Variants in PBX3 observed in about 807,000 individuals in gnomAD.
PBX3 encodes pre-B-cell leukemia transcription factor 3.
A neutral mutation model predicts 48.5 loss-of-function variants in PBX3; 14 were observed. The ratio of observed to expected loss-of-function variants is 0.29; its 90% CI spans 0.19 to 0.45. The LOEUF is 0.45. Among genes scored for constraint, PBX3 ranks in the 20% least tolerant of loss-of-function variants. PBX3 has a pLI of 1.00. For synonymous variants in PBX3, 210 were observed against 200.3 expected (o/e 1.05, Z -0.41); for missense variants, 386 against 546.7 (o/e 0.71, Z 2.93).
intron 2 of PBX3, among the ~76,000 whole-genome samples, chr9:125,870,316 G>T (rs987208815): frequency 2.6e-5 from 4 of 151,998 alleles, no homozygotes; most frequent in Non-Finnish European, 5.9e-5. Context: ...TGATCCACCC[G>T]CCTTGGCCTC....
At chr9:125,925,003 T>C (rs1358063225) in intron 3 of PBX3, among the ~76,000 whole-genome samples, 1 of 152,212 alleles carries the variant, frequency 6.6e-6, no homozygotes, top group Non-Finnish European at 1.5e-5. Context: ...ATAAAAGTGC[T>C]CTTTCTCAAG....
At chr9:125,908,424 G>A (rs1006672518) in intron 2 of PBX3, among the ~76,000 whole-genome samples, 8 of 152,066 alleles carry the variant, frequency 5.3e-5, no homozygotes, top group Admixed American at 3.3e-4. Flanking sequence ...GCAGAATGTG[G>A]GAATGGGGGA....
chr9:125,835,668 A>G (rs1039468084), intron 2 of PBX3, among the ~76,000 whole-genome samples: 43 of 152,246 alleles, frequency 2.8e-4, no homozygotes, highest in African/African-American at 7.7e-4. Flanking sequence ...ATATAATAGC[A>G]TCTCATCCCA....
At chr9:125,753,620 C>T (rs965512165) in intron 2 of PBX3, among the ~76,000 whole-genome samples, 2 of 151,794 alleles carry the variant, frequency 1.3e-5, no homozygotes, top group African/African-American at 4.8e-5. Context: ...TCTTTTGTTC[C>T]TTAGTTTTAA....
At chr9:125,895,100 T>C (rs1422661549) in intron 2 of PBX3, among the ~76,000 whole-genome samples, 1 of 152,088 alleles carries the variant, frequency 6.6e-6, no homozygotes, top group Non-Finnish European at 1.5e-5. Context: ...TTTGATTCTC[T>C]AAGATTTAAT....
At position 125,795,952 on chromosome 9, in the gene PBX3, T is replaced by G. The variant is rs145830733; in HGVS notation, c.274+47329T>G. Among the ~76,000 whole-genome samples, 388 of 152,272 alleles carry G rather than the reference T, an allele frequency of 2.5e-3. 1 individual carries two copies. The highest frequency in any genetic ancestry group is 9.0e-3 in the African/African-American group (372 of 41,560). ...TTATATTGTCACTATTTTGAGCCAT[T>G]TTTGGTGTAAGAGACTAAGAGTCCT... On this transcript the variant is annotated intron_variant, in intron 2 of 8. Transcript: ENST00000373489.
At chr9:125,867,477 TAAA>T (rs922677814) in intron 2 of PBX3, among the ~76,000 whole-genome samples, 6 of 151,408 alleles carry the variant, frequency 4.0e-5, no homozygotes, top group Admixed American at 1.3e-4. Flanking sequence ...CCATCTGTAC[TAAA>T]AATACAAAAA....
intron 2 of PBX3, among the ~76,000 whole-genome samples, chr9:125,769,833 G>T (rs1301804589): frequency 1.3e-5 from 2 of 152,312 alleles, no homozygotes; most frequent in East Asian, 3.9e-4. Context: ...AGGACGAGGA[G>T]ATTTCTAAGG....
At chr9:125,951,794 G>C (rs988426333) in intron 5 of PBX3, among the ~76,000 whole-genome samples, 3 of 152,142 alleles carry the variant, frequency 2.0e-5, no homozygotes, top group African/African-American at 7.2e-5. Flanking sequence ...AGGTCCGTTT[G>C]GCTCTCAAAC....
intron 2 of PBX3, among the ~76,000 whole-genome samples, chr9:125,792,040 ACACACGCACG>A (rs1254103337): frequency 4.1e-5 from 5 of 121,900 alleles, no homozygotes; most frequent in African/African-American, 1.1e-4. Flanking sequence ...TACTACACAC[ACACACGCACG>A]CACGCACGCA....
intron 2 of PBX3, among the ~76,000 whole-genome samples, chr9:125,773,276 T>C (rs942113368): frequency 2.0e-5 from 3 of 152,126 alleles, no homozygotes; most frequent in African/African-American, 7.2e-5. Context: ...ATTAGGCGAT[T>C]GGTTGGAGAA....
At chr9:125,795,176 A>G (rs1448044252) in intron 2 of PBX3, among the ~76,000 whole-genome samples, 1 of 152,234 alleles carries the variant, frequency 6.6e-6, no homozygotes, top group African/African-American at 2.4e-5. Flanking sequence ...TTATTCATTA[A>G]TGGAAACCCT....
intron 2 of PBX3, among the ~76,000 whole-genome samples, chr9:125,768,701 T>C (rs1455147399): frequency 6.6e-6 from 1 of 152,218 alleles, no homozygotes; most frequent in Non-Finnish European, 1.5e-5. Context: ...TTGATGTATA[T>C]GAAGAAATAT....
intron 2 of PBX3, among the ~76,000 whole-genome samples, chr9:125,816,322 C>T (rs896958046): frequency 6.6e-6 from 1 of 152,072 alleles, no homozygotes; most frequent in Non-Finnish European, 1.5e-5. Context: ...ATGGTATACC[C>T]TTTACAGTCC....
intron 2 of PBX3, among the ~76,000 whole-genome samples, chr9:125,895,460 A>G (rs1840747750): frequency 6.6e-6 from 1 of 152,066 alleles, no homozygotes; most frequent in Non-Finnish European, 1.5e-5. Context: ...ACAAACTACC[A>G]CAGAATTTAA....
rs555069200 is a variant in PBX3, at chr9:125,821,193, TA to T, written c.274+72571del. ...ATGATAACTTTTTATAGTACCAGTA[TA>T]TATTACAGCTCATTTAAGAATGTGT... On this transcript the variant is annotated intron_variant, in intron 2 of 8. Transcript: ENST00000373489. Among the ~76,000 whole-genome samples the T allele has an allele frequency of 2.3e-3, 350 of 152,280 alleles. 2 individuals carry two copies. Among genetic ancestry groups the T allele is most frequent in the African/African-American group, 8.2e-3 (340 of 41,572 alleles).
At chr9:125,903,966 A>G (rs987260937) in intron 2 of PBX3, among the ~76,000 whole-genome samples, 6 of 151,804 alleles carry the variant, frequency 4.0e-5, no homozygotes, top group Non-Finnish European at 7.4e-5. Flanking sequence ...AATGGGCTTA[A>G]TAATAGTACC....
chr9:125,794,469 G>A (rs1837718301), intron 2 of PBX3, among the ~76,000 whole-genome samples: 1 of 151,986 alleles, frequency 6.6e-6, no homozygotes, highest in South Asian at 2.1e-4. Flanking sequence ...GAAAAAAATT[G>A]GAAACCTGAC....
chr9:125,881,829 C>T (rs1434281056), intron 2 of PBX3, among the ~76,000 whole-genome samples: 1 of 151,820 alleles, frequency 6.6e-6, no homozygotes, highest in African/African-American at 2.4e-5. Flanking sequence ...TTAATAATTT[C>T]CTGCTCTAAT....
Sources: gnomAD v4.1 joint callset for allele counts (sites outside exome capture counted in the v4.1 genomes callset) on GRCh38, gnomAD v4.1.1 for gene constraint, MANE v1.5 for transcripts, NCBI Gene and HGNC (gene_info 2026-07-23, HGNC 2026-07-21) for gene names.